The following ADGRA3 variants were observed in gnomAD, a reference collection of about 807,000 sequenced individuals.
ADGRA3 encodes the protein adhesion G protein-coupled receptor A3.
A neutral mutation model predicts 119.8 loss-of-function variants in ADGRA3; 56 were observed. The observed-to-expected ratio is 0.47, with a 90% CI of 0.38 to 0.58. The LOEUF is 0.58. Among genes scored for constraint, ADGRA3 ranks in the 20% least tolerant of loss-of-function variants. The pLI is 0.00. For missense variants in ADGRA3, 1,516 were observed against 1,649.0 expected (o/e 0.92, Z 1.40); for synonymous variants, 607 against 623.8 (o/e 0.97, Z 0.40).
At position 22,395,903 on chromosome 4, in the gene ADGRA3, C is replaced by T. The variant is rs539529692; in HGVS notation, c.2482-3213G>A. On this transcript the variant is annotated intron_variant, in intron 16 of 18. Coordinates refer to ENST00000334304, the MANE Select transcript of ADGRA3 (RefSeq NM_145290.4). ...TTCACTGATCAGATTTTTCCAAATA[C>T]ATCTCTTGTGCCATTGCAGCAATCC... 3.3e-5 allele frequency among the ~76,000 whole-genome samples: 5 copies of T among 152,300 alleles called. No homozygotes were observed. In the East Asian group the frequency reaches 9.6e-4, roughly 29 times the overall value.
At chr4:22,398,858 C>T (rs1714487384) in intron 16 of ADGRA3, among the ~76,000 whole-genome samples, 1 of 152,144 alleles carries the variant, frequency 6.6e-6, no homozygotes, top group Non-Finnish European at 1.5e-5. Context: ...CATATCCATG[C>T]TCATATTCAC....
At chr4:22,435,215 G>T in intron 10 of ADGRA3, 96 bp downstream of exon 10, 1 of 1,023,722 alleles carries the variant, frequency 9.8e-7, no homozygotes, top group Middle Eastern at 3.3e-4. Flanking sequence ...GCTCAAATAT[G>T]ATAAACATAA....
rs750768023 is a variant in ADGRA3 at position 22,402,704 on chromosome 4, G to A, written c.2328C>T (p.Ala776=). ...GATGGTATATGTAACTGACAATGAC[G>A]GCTAAGAGACATAAGAGGAGAATGA... ...TAIILLLCLL[A]VIVSYIYHHS... The change falls in exon 15 of 19, where the codon GCC becomes GCT. Residue 776 remains alanine (A), a synonymous_variant. Coordinates refer to ENST00000334304, the MANE Select transcript of ADGRA3 (RefSeq NM_145290.4). 35 of 1,613,710 alleles carry A rather than the reference G, an allele frequency of 2.2e-5. No individual in the cohort carries two copies. Among genetic ancestry groups the A allele is most frequent in the Non-Finnish European group, 2.6e-5 (31 of 1,179,724 alleles).
chr4:22,408,297 T>C (rs953403223), intron 14 of ADGRA3, among the ~76,000 whole-genome samples: 4 of 151,812 alleles, frequency 2.6e-5, no homozygotes, highest in East Asian at 1.9e-4. Flanking sequence ...AACCAAGAAA[T>C]TGTACTTCAG....
chr4:22,449,178 G>C (rs1037626953), intron 4 of ADGRA3, among the ~76,000 whole-genome samples: 1 of 151,658 alleles, frequency 6.6e-6, no homozygotes, highest in South Asian at 2.1e-4. Context: ...GCTGAGACAC[G>C]AGAATGACTT....
chr4:22,423,005 G>A (rs1424032936), intron 11 of ADGRA3, among the ~76,000 whole-genome samples: 1 of 151,952 alleles, frequency 6.6e-6, no homozygotes, highest in Non-Finnish European at 1.5e-5. Flanking sequence ...AGATCAGCCT[G>A]GCCAACGTAA....
chr4:22,393,704 A>G (rs1443089918), intron 16 of ADGRA3: 4 of 152,184 alleles, frequency 2.6e-5, no homozygotes, highest in African/African-American at 9.6e-5. Context: ...AGTGTGTGAC[A>G]AGCAATTAGT....
rs188013943 is a variant in ADGRA3, at chr4:22,496,482, T to C, written c.257+19046A>G. On this transcript the variant is annotated intron_variant, in intron 1 of 18. Coordinates refer to ENST00000334304, the MANE Select transcript of ADGRA3 (RefSeq NM_145290.4). ...TTTCAATGGATCATCTGTCTTTTCTTACTAATTTACATCAGTTCTTAATAC... is the reference window on the plus strand; with the variant it reads ...TTTCAATGGATCATCTGTCTTTTCTCACTAATTTACATCAGTTCTTAATAC... Among the ~76,000 whole-genome samples the C allele has an allele frequency of 1.2e-3, 179 of 152,344 alleles. 1 individual carries two copies. Among genetic ancestry groups the C allele is most frequent in the African/African-American group, 3.9e-3 (162 of 41,578 alleles).
At chr4:22,389,595 T>TTCACACAAGAAATG (rs1560291796) in intron 17 of ADGRA3, among the ~76,000 whole-genome samples, 1 of 151,896 alleles carries the variant, frequency 6.6e-6, no homozygotes, top group Non-Finnish European at 1.5e-5. Flanking sequence ...TAATGACATA[T>TTCACACAAGAAATG]TAATTACTGA....
chr4:22,497,927 G>C (rs1333308630), intron 1 of ADGRA3, among the ~76,000 whole-genome samples: 2 of 121,840 alleles, frequency 1.6e-5, no homozygotes, highest in Admixed American at 8.7e-5. Context: ...CTGGGCAATA[G>C]AAAAAGACCC....
Position 22,509,713 on chromosome 4 carries a change from A to T in ADGRA3, c.257+5815T>A, listed in dbSNP as rs11939667. On this transcript the variant is annotated intron_variant, in intron 1 of 18. Coordinates refer to ENST00000334304, the MANE Select transcript of ADGRA3 (RefSeq NM_145290.4). ...AGATGGAGACTCAGGTGTTCCTCAT[A>T]GATAAGAAATGACTTGGCCGGGCGC... is the stretch of plus-strand genomic sequence containing the variant. 9.9e-3 allele frequency among the ~76,000 whole-genome samples: 1,508 copies of T among 151,776 alleles called. 23 individuals are homozygous for T. The highest frequency in any genetic ancestry group is 0.031 in the African/African-American group (1,291 of 41,398).
At chr4:22,448,944 T>C (rs531631724) in intron 4 of ADGRA3, among the ~76,000 whole-genome samples, 50 of 152,030 alleles carry the variant, frequency 3.3e-4, no homozygotes, top group Non-Finnish European at 6.9e-4. Flanking sequence ...GCAGTATACA[T>C]CACAATAACA....
At chr4:22,444,495 A>G (rs936804456) in intron 6 of ADGRA3, among the ~76,000 whole-genome samples, 2 of 152,132 alleles carry the variant, frequency 1.3e-5, no homozygotes, top group Non-Finnish European at 2.9e-5. Flanking sequence ...CATGTTAGCC[A>G]GGCTAGTCTC....
intron 12 of ADGRA3, among the ~76,000 whole-genome samples, chr4:22,416,014 G>A (rs1388822658): frequency 2.0e-5 from 3 of 152,128 alleles, no homozygotes; most frequent in Non-Finnish European, 4.4e-5. Flanking sequence ...CTAGGGTGCC[G>A]ATAAGGTAAA....
At chr4:22,420,431 A>T (rs1715608854) in intron 12 of ADGRA3, 2 of 167,194 alleles carry the variant, frequency 1.2e-5, no homozygotes, top group Admixed American at 1.3e-4. Flanking sequence ...TTTGATATAC[A>T]GCTTGCTTGA....
chr4:22,454,432 C>G (rs1383826444), intron 4 of ADGRA3, among the ~76,000 whole-genome samples: 2 of 152,196 alleles, frequency 1.3e-5, no homozygotes, highest in Admixed American at 6.5e-5. Flanking sequence ...TTCCCCTTGA[C>G]AAATGGCCTT....
At chr4:22,490,712 G>A (rs934604334) in intron 1 of ADGRA3, among the ~76,000 whole-genome samples, 1 of 152,114 alleles carries the variant, frequency 6.6e-6, no homozygotes, top group Non-Finnish European at 1.5e-5. Context: ...GAACTTTGCT[G>A]TAAAAAGAAA....
chr4:22,486,918 A>C (rs1211437918), intron 1 of ADGRA3, among the ~76,000 whole-genome samples: 1 of 152,206 alleles, frequency 6.6e-6, no homozygotes, highest in East Asian at 1.9e-4. Context: ...TGTGTGGTGA[A>C]GCACTTAAAG....
At chr4:22,437,912 A>G (rs572470020) in intron 8 of ADGRA3, among the ~76,000 whole-genome samples, 251 of 151,914 alleles carry the variant, frequency 1.7e-3, no homozygotes, top group Non-Finnish European at 3.1e-3. Flanking sequence ...CACTGGGGGG[A>G]AAAAAAACAG....
Sources: allele counts gnomAD v4.1 joint callset (sites outside exome capture counted in the v4.1 genomes callset), GRCh38; gene constraint gnomAD v4.1.1; transcripts MANE v1.5; gene names NCBI Gene and HGNC (gene_info 2026-07-23, HGNC 2026-07-21).